Variants in SAMHD1 observed in about 807,000 individuals in gnomAD.
SAMHD1 encodes the protein deoxynucleoside triphosphate triphosphohydrolase SAMHD1.
A neutral mutation model predicts 79.6 loss-of-function variants in SAMHD1; 54 were observed. That is an observed-to-expected ratio of 0.68 (90% confidence interval 0.55 to 0.85). SAMHD1 has a LOEUF of 0.85. SAMHD1 is among the 40% of genes least tolerant of loss of function. The pLI, the probability that SAMHD1 is intolerant of heterozygous loss-of-function variation, is 0.00. For synonymous variants in SAMHD1, 260 were observed against 264.1 expected (o/e 0.98, Z 0.15); for missense variants, 663 against 782.7 (o/e 0.85, Z 1.82).
chr20:36,892,943 C>T lies in SAMHD1; in HGVS notation c.1870G>A (p.Asp624Asn), dbSNP rs550047744. ...CTGACTACAGACATTCACATTGGGTCATCTTTAAAAAGCTGGACTCTGCTT... is the reference window on the plus strand; with the variant it reads ...CTGACTACAGACATTCACATTGGGTTATCTTTAAAAAGCTGGACTCTGCTT... Reference protein sequence around the residue: ...SKSRVQLFKDDPM With the variant: ...SKSRVQLFKDNPM Residue 624 changes from aspartate to asparagine, a missense_variant, in exon 16 of 16, where the codon GAC becomes AAC. By Grantham distance (23) the Asp-to-Asn change is conservative. Transcript: ENST00000646673. 1 of 1,613,722 alleles carries T rather than the reference C, an allele frequency of 6.2e-7. No homozygotes were observed. Among genetic ancestry groups the T allele is most frequent in the African/African-American group, 1.3e-5 (1 of 74,882 alleles).
intron 3 of SAMHD1, among the ~76,000 whole-genome samples, chr20:36,936,817 C>T (rs369892487): frequency 1.3e-5 from 2 of 151,962 alleles, no homozygotes; most frequent in East Asian, 3.9e-4. Flanking sequence ...AACTATACCA[C>T]GCCTGGCTAA....
Position 36,905,366 on chromosome 20 carries a change from T to C in SAMHD1, c.1408A>G (p.Arg470Gly). 1 of 1,613,922 alleles carries C rather than the reference T, an allele frequency of 6.2e-7. No individual in the cohort carries two copies. ...TQPTGQIKIKREDYESLPKEV... is the reference protein window; with the variant it reads ...TQPTGQIKIKGEDYESLPKEV... The stretch of plus-strand genomic sequence containing the variant: ...TGGAAAGATGCCTGATAACTCACCC[T>C]TTTAATCTTTATTTGTCCTGTTGGC... The change falls in exon 12 of 16, where the codon AGG becomes GGG. Residue 470 changes from arginine (R) to glycine (G), a missense_variant and splice_region_variant. By Grantham distance (125) the Arg-to-Gly change is moderately radical. Transcript: ENST00000646673.
intron 11 of SAMHD1, among the ~76,000 whole-genome samples, 168 bp downstream of exon 11, chr20:36,911,050 T>A (rs2063436272): frequency 6.6e-6 from 1 of 152,020 alleles, no homozygotes; most frequent in Non-Finnish European, 1.5e-5. Context: ...GCCCAGGAAT[T>A]TGAGAGAAGC....
chr20:36,917,283 C>T (rs959320983), intron 7 of SAMHD1: 21 of 503,968 alleles, frequency 4.2e-5, no homozygotes, highest in Middle Eastern at 5.4e-4. Context: ...TCTTGTGCCA[C>T]TGAAAAGATC....
chr20:36,897,654 G>A, intron 15 of SAMHD1, 168 bp downstream of exon 15: 1 of 742,500 alleles, frequency 1.3e-6, no homozygotes, highest in Non-Finnish European at 2.3e-6. Context: ...ATCACTGGCT[G>A]ACACAGATTC....
intron 11 of SAMHD1, among the ~76,000 whole-genome samples, chr20:36,909,015 G>T (rs1231139552): frequency 6.6e-6 from 1 of 151,958 alleles, no homozygotes; most frequent in Non-Finnish European, 1.5e-5. Context: ...AGGCTGGAGC[G>T]CAGTGGTGCG....
chr20:36,916,987 T>G lies in SAMHD1; in HGVS notation c.915A>C (p.Arg305Ser). 1 of 1,614,102 alleles carries G rather than the reference T, an allele frequency of 6.2e-7. No individual in the cohort carries two copies. The highest frequency in any genetic ancestry group is 8.5e-7 in the Non-Finnish European group (1 of 1,179,938). The change falls in exon 8 of 16, where the codon AGA becomes AGC. Residue 305 changes from arginine to serine, a missense_variant. Physicochemically the swap from Arg to Ser is moderately radical, Grantham distance 110 (BLOSUM62 -1). Coordinates refer to ENST00000646673, the MANE Select transcript of SAMHD1 (RefSeq NM_015474.4). ...CCCATTTGTCCACATCAATGCCATT[T>G]CTTTTATTAGATACTATCTCATAAA... Reference protein sequence around the residue: ...SFLYEIVSNKRNGIDVDKWDY... With the variant: ...SFLYEIVSNKSNGIDVDKWDY...
chr20:36,927,304 A>T, intron 5 of SAMHD1, 52 bp from the exon 6 acceptor site: 3 of 1,482,614 alleles, frequency 2.0e-6, no homozygotes, highest in Non-Finnish European at 2.8e-6. Flanking sequence ...AAACCAACAA[A>T]AACTTTTTCC....
In SAMHD1 at chr20:36,893,183, T is replaced by C; in HGVS notation, c.1747-117A>G. The stretch of plus-strand genomic sequence containing the variant: ...ATCTTGCATATAGATTGCTTCTAGC[T>C]GTCCTCAATCCAGGGAAACTCCAAA... On this transcript the variant is annotated intron_variant, in intron 15 of 15. Transcript: ENST00000646673. 2.3e-6 allele frequency: 3 copies of C among 1,306,382 alleles called. No individual in the cohort carries two copies. In the South Asian group the frequency reaches 3.7e-5, roughly 16 times the overall value. The allele number at this position is 1,306,382 out of a possible 1,614,324, so 80.9% of individuals were successfully genotyped here.
intron 3 of SAMHD1, among the ~76,000 whole-genome samples, chr20:36,937,783 G>A (rs1029956682): frequency 1.3e-4 from 19 of 151,510 alleles, no homozygotes; most frequent in East Asian, 9.7e-4. Flanking sequence ...TTACTAAGCC[G>A]TGATTCAGTA....
At chr20:36,900,598 T>C (rs1291146) in intron 13 of SAMHD1, among the ~76,000 whole-genome samples, 103,444 of 148,828 alleles carry the variant, frequency 0.7, 38,794 homozygotes, top group Middle Eastern at 0.87. Context: ...GATATGGAGT[T>C]TCTGTGTCGC....
chr20:36,897,097 C>G (rs1280790606), intron 15 of SAMHD1, among the ~76,000 whole-genome samples: 1 of 152,330 alleles, frequency 6.6e-6, no homozygotes, highest in Non-Finnish European at 1.5e-5. Context: ...CTGGATCATG[C>G]CTTGTGGCAC....
intron 10 of SAMHD1, chr20:36,912,069 C>T (rs975194391): frequency 1.6e-5 from 4 of 243,580 alleles, no homozygotes; most frequent in Non-Finnish European, 3.3e-5. Context: ...TAATCTTAAT[C>T]CTTAAAGTTA....
At chr20:36,940,047 A>C (rs143873029) in intron 3 of SAMHD1, 1 of 152,232 alleles carries the variant, frequency 6.6e-6, no homozygotes, top group Non-Finnish European at 1.5e-5. Context: ...TCTACTAAAA[A>C]TGCAAAAACA....
At chr20:36,925,135 AAC>A (rs1156869220) in intron 6 of SAMHD1, among the ~76,000 whole-genome samples, 4 of 151,120 alleles carry the variant, frequency 2.6e-5, no homozygotes, top group Non-Finnish European at 5.9e-5. Flanking sequence ...CAGCCTGGGC[AAC>A]AGAGTGAGAC....
At chr20:36,943,516 G>A (rs1191004518) in intron 2 of SAMHD1, among the ~76,000 whole-genome samples, 1 of 151,810 alleles carries the variant, frequency 6.6e-6, no homozygotes, top group Admixed American at 6.6e-5. Context: ...TGTTCCTTCT[G>A]GAACACTGCA....
intron 5 of SAMHD1, among the ~76,000 whole-genome samples, chr20:36,928,048 A>T (rs1008819948): frequency 1.3e-5 from 2 of 152,224 alleles, no homozygotes; most frequent in Admixed American, 6.5e-5. Flanking sequence ...AAACTTTTTG[A>T]AATCTTCAGA....
At chr20:36,897,524 A>G (rs776724330) in intron 15 of SAMHD1, 172 of 441,598 alleles carry the variant, frequency 3.9e-4, no homozygotes, top group Non-Finnish European at 6.5e-4. Context: ...TGGAGACACT[A>G]TGAATAACCT....
intron 15 of SAMHD1, among the ~76,000 whole-genome samples, chr20:36,897,110 G>A (rs1000714895): frequency 1.3e-5 from 2 of 152,184 alleles, no homozygotes; most frequent in African/African-American, 2.4e-5. Context: ...TGTGGCACTT[G>A]ATAAAGCACC....
Sources: gnomAD v4.1 joint callset for allele counts (sites outside exome capture counted in the v4.1 genomes callset) on GRCh38, gnomAD v4.1.1 for gene constraint, MANE v1.5 for transcripts, NCBI Gene and HGNC (gene_info 2026-07-23, HGNC 2026-07-21) for gene names.